The following HEATR3 variants were observed in gnomAD, a reference collection of about 807,000 sequenced individuals.
HEATR3 encodes the protein HEAT repeat containing 3, also known as HEAT repeat-containing protein 3.
HEATR3 carries 56 observed loss-of-function variants against 72.8 expected under a neutral mutation model. The ratio of observed to expected loss-of-function variants is 0.77; its 90% confidence interval spans 0.62 to 0.96. The LOEUF is 0.96. HEATR3 is among the 40% of genes least tolerant of loss of function. HEATR3 has a pLI of 0.00. For synonymous variants in HEATR3, 331 were observed against 318.1 expected, an observed-to-expected ratio of 1.04 and a Z score of -0.43; for missense variants, 747 against 831.4, an observed-to-expected ratio of 0.90 and a Z score of 1.25.
chr16:50,087,713 C>T lies in HEATR3; in HGVS notation c.1510+1362C>T, dbSNP rs114093222. ...TCTTTCAGGATTTTTTGAGGGTAAA[C>T]GTGAAGATATTTGCTTTCTACACTG... On this transcript the variant is annotated intron_variant, in intron 11 of 14. Transcript: ENST00000299192. Among the ~76,000 whole-genome samples, 668 of 152,228 alleles carry T rather than the reference C, an allele frequency of 4.4e-3. 5 individuals are homozygous for T. The highest frequency in any genetic ancestry group is 0.015 in the African/African-American group (640 of 41,530).
chr16:50,095,957 C>T (rs2037225626), intron 12 of HEATR3, among the ~76,000 whole-genome samples: 1 of 152,090 alleles, frequency 6.6e-6, no homozygotes, highest in South Asian at 2.1e-4. Flanking sequence ...TTCTTATTAT[C>T]CTTTGGTTTG....
At chr16:50,069,072 CT>C (rs1209037721) in intron 3 of HEATR3, among the ~76,000 whole-genome samples, 1 of 152,188 alleles carries the variant, frequency 6.6e-6, no homozygotes, top group African/African-American at 2.4e-5. Flanking sequence ...TTGGAAAAGA[CT>C]TTCCTAAAAT....
chr16:50,097,297 C>A (rs2037261519), intron 12 of HEATR3, among the ~76,000 whole-genome samples: 1 of 129,798 alleles, frequency 7.7e-6, no homozygotes, highest in Non-Finnish European at 1.6e-5. Context: ...AATAGAGATA[C>A]CCTAATTTTG....
chr16:50,066,302 A>T (rs1449213189), intron 1 of HEATR3, 33 bp downstream of exon 1: 4 of 1,576,556 alleles, frequency 2.5e-6, no homozygotes, highest in Non-Finnish European at 3.4e-6. Context: ...CCGGGAGGCG[A>T]GACGAGGTTG....
chr16:50,086,291 G>A lies in HEATR3; in HGVS notation c.1450G>A (p.Gly484Arg). 1 of 1,589,108 alleles carries A rather than the reference G, an allele frequency of 6.3e-7. No individual in the cohort carries two copies. The highest frequency in any genetic ancestry group is 8.6e-7 in the Non-Finnish European group (1 of 1,166,938). The part of the protein sequence containing the change: ...VSLLDVEHLG[G>R]AAALQTLAQH... The stretch of plus-strand genomic sequence containing the variant: ...CCTCCTGGATGTGGAGCACCTGGGA[G>A]GAGCCGCAGCCCTTCAGACGCTTGC... The change falls in exon 11 of 15, where the codon GGA becomes AGA. Residue 484 changes from glycine (G) to arginine (R), a missense_variant. Physicochemically the swap from Gly to Arg is moderately radical, Grantham distance 125 (BLOSUM62 -2). Coordinates refer to ENST00000299192, the MANE Select transcript of HEATR3 (RefSeq NM_182922.4).
At chr16:50,090,071 G>C (rs189760186) in intron 11 of HEATR3, among the ~76,000 whole-genome samples, 1 of 152,114 alleles carries the variant, frequency 6.6e-6, no homozygotes, top group African/African-American at 2.4e-5. Flanking sequence ...ATAGTTTAGT[G>C]GGGGCTGGCC....
At chr16:50,067,640 C>A (rs1041920364) in intron 2 of HEATR3, among the ~76,000 whole-genome samples, 6 of 152,084 alleles carry the variant, frequency 3.9e-5, no homozygotes, top group African/African-American at 1.4e-4. Flanking sequence ...AAGTGACATG[C>A]TGCAACACAT....
rs532568579 is a variant in HEATR3, at chr16:50,066,366, G to A, written c.139-1G>A. On this transcript the variant is annotated splice_acceptor_variant, in intron 1 of 14. Transcript: ENST00000299192. LOFTEE classifies it high-confidence loss of function. The stretch of plus-strand genomic sequence containing the variant: ...CTGACCCTTTTCGCTCTCATCCGCA[G>A]CTCCAGCACCCGAGCGCCGAGGTCC... The A allele has an allele frequency of 1.3e-6, 2 of 1,551,458 alleles. No individual in the cohort carries two copies. The highest frequency in any genetic ancestry group is 2.8e-5 in the African/African-American group (2 of 70,668).
rs1460449947 is a variant in HEATR3, at chr16:50,070,208, T to G, written c.430T>G (p.Ser144Ala). The change falls in exon 4 of 15, where the codon TCT (serine) becomes GCT (alanine). Residue 144 changes from serine to alanine, a missense_variant. Transcript: ENST00000299192. Reference sequence around the variant, plus strand: ...TGCTGGACTGGATTCAAATGAGATGTCTCTGCAGGAGAAAAAAGATCAGAA... The same window carrying G: ...TGCTGGACTGGATTCAAATGAGATGGCTCTGCAGGAGAAAAAAGATCAGAA... ...CSAGLDSNEM[S>A]LQEKKDQNRN... 2 of 1,605,876 alleles carry G rather than the reference T, an allele frequency of 1.2e-6. No individual in the cohort carries two copies. The highest frequency in any genetic ancestry group is 2.7e-5 in the African/African-American group (2 of 74,934).
chr16:50,099,479 C>T (rs994605739), intron 12 of HEATR3, among the ~76,000 whole-genome samples: 1 of 152,082 alleles, frequency 6.6e-6, no homozygotes, highest in Non-Finnish European at 1.5e-5. Flanking sequence ...TAGGGGCTCA[C>T]ACGAGTGATA....
At chr16:50,085,714 T>C (rs1297083263) in intron 10 of HEATR3, among the ~76,000 whole-genome samples, 3 of 152,140 alleles carry the variant, frequency 2.0e-5, no homozygotes, top group Non-Finnish European at 4.4e-5. Flanking sequence ...GAATGAGTTG[T>C]GTATCAGAGG....
At chr16:50,079,854 A>G (rs1431143090) in intron 7 of HEATR3, among the ~76,000 whole-genome samples, 2 of 152,174 alleles carry the variant, frequency 1.3e-5, no homozygotes, top group African/African-American at 2.4e-5. Context: ...CCATGGCTCT[A>G]AGGCCTACGC....
chr16:50,095,223 C>A (rs185549719), intron 12 of HEATR3, among the ~76,000 whole-genome samples: 3 of 151,606 alleles, frequency 2.0e-5, no homozygotes, highest in Non-Finnish European at 2.9e-5. Flanking sequence ...AAGTGATTCT[C>A]GTGCCTCAGC....
At chr16:50,092,555 G>A (rs893971742) in intron 11 of HEATR3, among the ~76,000 whole-genome samples, 19 of 146,894 alleles carry the variant, frequency 1.3e-4, no homozygotes, top group South Asian at 8.6e-4. Flanking sequence ...TCCTGCCTCA[G>A]CCTCCTTAGT....
intron 7 of HEATR3, among the ~76,000 whole-genome samples, chr16:50,079,461 G>A (rs1236833043): frequency 6.6e-6 from 1 of 152,136 alleles, no homozygotes; most frequent in East Asian, 1.9e-4. Flanking sequence ...CATTTATCCA[G>A]TACTGATCCA....
At position 50,083,951 on chromosome 16, in the gene HEATR3, A is replaced by G; in HGVS notation, c.1056A>G (p.Glu352=). 1 of 1,611,368 alleles carries G rather than the reference A, an allele frequency of 6.2e-7. No individual in the cohort carries two copies. Among genetic ancestry groups the G allele is most frequent in the Non-Finnish European group, 8.5e-7 (1 of 1,179,202 alleles). ...VSDLLPPTDK[E]LRETIALLTA... is the part of the protein sequence containing the mutation. The stretch of plus-strand genomic sequence containing the variant: ...TTTTTTTTAAGCCCACTGACAAGGA[A>G]CTGAGAGAGACTATAGCATTGCTGA... Residue 352 remains glutamate (E), a synonymous_variant, in exon 8 of 15, where the codon GAA becomes GAG. Transcript: ENST00000299192.
chr16:50,102,234 A>G (rs761671217), intron 13 of HEATR3, 25 bp from the exon 14 acceptor site: 2 of 1,602,266 alleles, frequency 1.2e-6, no homozygotes, highest in Non-Finnish European at 1.7e-6. Context: ...TGTTAGTCAT[A>G]CTAAATGTGT....
In HEATR3 at chr16:50,066,373, C is replaced by A; in HGVS notation, c.145C>A (p.His49Asn). Residue 49 changes from histidine to asparagine, a missense_variant, in exon 2 of 15, where the codon CAC becomes AAC. Transcript: ENST00000299192. ...PAAELLEKLQHPSAEVRECAC... is the reference protein window; with the variant it reads ...PAAELLEKLQNPSAEVRECAC... ...TTTTCGCTCTCATCCGCAGCTCCAG[C>A]ACCCGAGCGCCGAGGTCCGCGAGTG... The A allele has an allele frequency of 6.5e-7, 1 of 1,549,958 alleles. No individual in the cohort carries two copies. The highest frequency in any genetic ancestry group is 1.2e-5 in the South Asian group (1 of 85,402).
At chr16:50,100,724 A>C in intron 13 of HEATR3, 1 of 263,660 alleles carries the variant, frequency 3.8e-6, no homozygotes. Context: ...CCTGCTGATG[A>C]ATGAACAATC....
Sources: gnomAD v4.1 joint callset for allele counts (sites outside exome capture counted in the v4.1 genomes callset) on GRCh38, gnomAD v4.1.1 for gene constraint, MANE v1.5 for transcripts, NCBI Gene and HGNC (gene_info 2026-07-23, HGNC 2026-07-21) for gene names.